CYP2C18: variants seen among roughly 807,000 people sequenced by gnomAD.
The protein encoded by CYP2C18 is cytochrome P450 family 2 subfamily C member 18, also known as cytochrome P450 2C18.
CYP2C18 carries 38 observed loss-of-function variants against 41.3 expected under a neutral mutation model. The observed-to-expected ratio is 0.92, with a 90% confidence interval of 0.71 to 1.21. The LOEUF (loss-of-function observed/expected upper bound fraction) is 1.21, where lower values mean the gene tolerates loss of function less well. CYP2C18 is among the 50% of genes most tolerant of loss of function. The pLI is 0.00. For synonymous variants in CYP2C18, 236 were observed against 210.0 expected (o/e 1.12, Z -1.07); for missense variants, 635 against 591.4 (o/e 1.07, Z -0.77).
chr10:94,687,946 T>A lies in CYP2C18; in HGVS notation c.331+14T>A. ...ACAAAGGACTTGGTAAATGTGCATG[T>A]ATCGTGTGTATGTGTACATGTGTAT... On this transcript the variant is annotated intron_variant, in intron 2 of 8. Coordinates refer to ENST00000285979, the MANE Select transcript of CYP2C18 (RefSeq NM_000772.3). The A allele has an allele frequency of 6.2e-7, 1 of 1,612,490 alleles. No homozygotes were observed. Among genetic ancestry groups the A allele is most frequent in the Admixed American group, 1.7e-5 (1 of 59,948 alleles).
chr10:94,689,520 T>C (rs1846958429), intron 3 of CYP2C18, among the ~76,000 whole-genome samples: 1 of 152,098 alleles, frequency 6.6e-6, no homozygotes, highest in Admixed American at 6.6e-5. Context: ...ATCCACCTTC[T>C]TTACCAAACT....
intron 3 of CYP2C18, among the ~76,000 whole-genome samples, chr10:94,690,753 GAACATTGATGCA>G (rs1846983000): frequency 6.6e-6 from 1 of 152,160 alleles, no homozygotes; most frequent in Admixed American, 6.5e-5. Context: ...TATCCTTGGT[GAACATTGATGCA>G]AAAATCCTCA....
At position 94,720,406 on chromosome 10, in the gene CYP2C18, A is replaced by G. The variant is rs771321668; in HGVS notation, c.830A>G (p.Asn277Ser). ...FLIKMEQEKH[N>S]QQSEFTVESL... Reference sequence around the variant, plus strand: ...GAAATAATTTTTTAGGAAAAGCACAATCAACAGTCTGAATTTACTGTTGAA... The same window carrying G: ...GAAATAATTTTTTAGGAAAAGCACAGTCAACAGTCTGAATTTACTGTTGAA... The change falls in exon 6 of 9, where the codon AAT becomes AGT. Residue 277 changes from asparagine (N) to serine (S), a missense_variant. Physicochemically the swap from Asn to Ser is conservative, Grantham distance 46 (BLOSUM62 1). Coordinates refer to ENST00000285979, the MANE Select transcript of CYP2C18 (RefSeq NM_000772.3). 22 of 1,606,992 alleles carry G rather than the reference A, an allele frequency of 1.4e-5. 1 individual carries two copies. The South Asian group carries it at 2.4e-4, about 17-fold the overall frequency.
chr10:94,734,056 C>T (rs1182380109), intron 8 of CYP2C18, among the ~76,000 whole-genome samples: 1 of 151,992 alleles, frequency 6.6e-6, no homozygotes, highest in African/African-American at 2.4e-5. Flanking sequence ...TGCCTCATTG[C>T]AGCAGGAAAC....
At chr10:94,711,277 A>G (rs913711171) in intron 5 of CYP2C18, among the ~76,000 whole-genome samples, 3 of 152,164 alleles carry the variant, frequency 2.0e-5, no homozygotes, top group Non-Finnish European at 4.4e-5. Context: ...CACATCTGGA[A>G]TATAATAATG....
intron 1 of CYP2C18, among the ~76,000 whole-genome samples, chr10:94,687,460 G>A (rs1846908104): frequency 6.6e-6 from 1 of 152,148 alleles, no homozygotes; most frequent in South Asian, 2.1e-4. Context: ...TCAGCTGTGG[G>A]ACACTGGCAG....
intron 4 of CYP2C18, among the ~76,000 whole-genome samples, chr10:94,698,292 T>C (rs1020542775): frequency 1.2e-4 from 19 of 152,192 alleles, no homozygotes; most frequent in South Asian, 8.3e-4. Context: ...TCTCAGACCA[T>C]GGTGCAATCA....
intron 4 of CYP2C18, among the ~76,000 whole-genome samples, chr10:94,704,490 AT>A (rs1351469614): frequency 6.6e-6 from 1 of 151,898 alleles, no homozygotes; most frequent in African/African-American, 2.4e-5. Context: ...CATAGAAAAA[AT>A]ATATGTATTT....
At position 94,706,873 on chromosome 10, in the gene CYP2C18, A is replaced by AT; in HGVS notation, c.734dup (p.Leu245PhefsTer21). The stretch of plus-strand genomic sequence containing the variant: ...ATTTTGCTTACATTAAAAGTTATGT[A>AT]TTGGAGAGAATAAAAGAACATCAAG... On this transcript the variant is annotated frameshift_variant, in exon 5 of 9. Transcript: ENST00000285979. LOFTEE classifies it high-confidence loss of function. 6.2e-7 allele frequency: 1 copy of AT among 1,612,148 alleles called. No homozygotes were observed. The highest frequency in any genetic ancestry group is 8.5e-7 in the Non-Finnish European group (1 of 1,178,608).
At position 94,693,385 on chromosome 10, in the gene CYP2C18, T is replaced by A. The variant is rs185284164; in HGVS notation, c.482-1532T>A. Among the ~76,000 whole-genome samples the A allele has an allele frequency of 1.5e-3, 234 of 152,280 alleles. 1 individual carries two copies. The highest frequency in any genetic ancestry group is 5.1e-3 in the African/African-American group (212 of 41,570). ...AAAGCTCCTGTTTTGCCTTCTGCCG[T>A]GATTGCATCACGCTTCCTGTACAGC... On this transcript the variant is annotated intron_variant, in intron 3 of 8. Transcript: ENST00000285979.
intron 7 of CYP2C18, among the ~76,000 whole-genome samples, chr10:94,725,256 TA>T (rs1008834598): frequency 2.6e-5 from 4 of 151,384 alleles, no homozygotes; most frequent in Non-Finnish European, 5.9e-5. Flanking sequence ...TAATATACTT[TA>T]AAAAAAATGC....
rs150579865 is a variant in CYP2C18, at chr10:94,717,943, G to T, written c.820-2453G>T. ...TTGCCTTGGCTATTTGGGTATTTTT[G>T]TGGTTCTATATGAATTTTTTGGGGA... On this transcript the variant is annotated intron_variant, in intron 5 of 8. Transcript: ENST00000285979. 8.4e-3 allele frequency among the ~76,000 whole-genome samples: 1,271 copies of T among 152,026 alleles called. 10 individuals carry two copies. Among genetic ancestry groups the T allele is most frequent in the African/African-American group, 0.029 (1,209 of 41,476 alleles).
chr10:94,715,092 G>C (rs1378366677), intron 5 of CYP2C18, among the ~76,000 whole-genome samples: 1 of 152,026 alleles, frequency 6.6e-6, no homozygotes, highest in Admixed American at 6.6e-5. Context: ...GAGGCAATGG[G>C]GTTTTCTAAA....
chr10:94,690,484 G>T (rs939722995), intron 3 of CYP2C18, among the ~76,000 whole-genome samples: 12 of 152,248 alleles, frequency 7.9e-5, no homozygotes, highest in African/African-American at 2.9e-4. Context: ...ACTAAACCAG[G>T]AAGAAGTTGA....
chr10:94,710,744 G>C (rs149061229), intron 5 of CYP2C18, among the ~76,000 whole-genome samples: 181 of 152,282 alleles, frequency 1.2e-3, no homozygotes, highest in African/African-American at 4.3e-3. Context: ...TTACCAATGG[G>C]CATGATGACC....
chr10:94,688,853 C>T (rs974166073), intron 3 of CYP2C18, among the ~76,000 whole-genome samples: 1 of 152,148 alleles, frequency 6.6e-6, no homozygotes, highest in African/African-American at 2.4e-5. Context: ...TAGAACATTT[C>T]ACCAGGAATA....
chr10:94,704,526 A>T (rs1847303405), intron 4 of CYP2C18, among the ~76,000 whole-genome samples: 1 of 151,990 alleles, frequency 6.6e-6, no homozygotes, highest in Non-Finnish European at 1.5e-5. Flanking sequence ...CAGAAGAAAG[A>T]TGGAAGGAAG....
Position 94,688,221 on chromosome 10 carries a change from A to AC in CYP2C18, c.430dup (p.Arg144ProfsTer22). 1 of 1,613,662 alleles carries AC rather than the reference A, an allele frequency of 6.2e-7. No homozygotes were observed. The highest frequency in any genetic ancestry group is 8.5e-7 in the Non-Finnish European group (1 of 1,179,738). Reference sequence around the variant, plus strand: ...GGGATGGGGAAGAGGAGCATCGAGGACCGTGTTCAAGAGGAAGCCCGCTGC... The same window carrying AC: ...GGGATGGGGAAGAGGAGCATCGAGGACCCGTGTTCAAGAGGAAGCCCGCTGC... On this transcript the variant is annotated frameshift_variant, in exon 3 of 9. Coordinates refer to ENST00000285979, the MANE Select transcript of CYP2C18 (RefSeq NM_000772.3). LOFTEE classifies it high-confidence loss of function.
chr10:94,718,069 A>C (rs1847585580), intron 5 of CYP2C18, among the ~76,000 whole-genome samples: 1 of 152,040 alleles, frequency 6.6e-6, no homozygotes, highest in Non-Finnish European at 1.5e-5. Context: ...TAACAATATC[A>C]ACTCTTCCAA....
Sources: gnomAD v4.1 joint callset for allele counts (sites outside exome capture counted in the v4.1 genomes callset) on GRCh38, gnomAD v4.1.1 for gene constraint, MANE v1.5 for transcripts, NCBI Gene and HGNC (gene_info 2026-07-23, HGNC 2026-07-21) for gene names.